MMP14: variants seen among roughly 807,000 people sequenced by gnomAD.
The protein encoded by MMP14 is matrix metalloproteinase-14.
In MMP14, 13 loss-of-function variants were observed where a neutral mutation model predicts 64.8. That is an observed-to-expected ratio of 0.20 (90% confidence interval 0.13 to 0.32). The LOEUF (loss-of-function observed/expected upper bound fraction) is 0.32, where lower values mean the gene tolerates loss of function less well. Among genes scored for constraint, MMP14 ranks in the 10% least tolerant of loss-of-function variants. The pLI is 1.00. For synonymous variants in MMP14, 322 were observed against 315.9 expected (o/e 1.02, Z -0.20); for missense variants, 594 against 783.8 (o/e 0.76, Z 2.89).
Position 22,845,817 on chromosome 14 carries a change from A to T in MMP14, c.1527A>T (p.Pro509=), listed in dbSNP as rs765456558. 16 of 1,614,036 alleles carry T rather than the reference A, an allele frequency of 9.9e-6. No homozygotes were observed. Among genetic ancestry groups the T allele is most frequent in the Non-Finnish European group, 1.4e-5 (16 of 1,180,040 alleles). ...KSALRDWMGC[P]SGGRPDEGTE... is the part of the protein sequence containing the mutation. ...CCCTGAGGGACTGGATGGGCTGCCCATCGGGAGGCCGGCCGGATGAGGGGA... is the reference window on the plus strand; with the variant it reads ...CCCTGAGGGACTGGATGGGCTGCCCTTCGGGAGGCCGGCCGGATGAGGGGA... The change falls in exon 10 of 10, where the codon CCA becomes CCT. Residue 509 remains proline, a synonymous_variant. Transcript: ENST00000311852.
intron 8 of MMP14, 41 bp downstream of exon 8, chr14:22,844,821 C>T (rs2039800666): frequency 6.2e-7 from 1 of 1,611,364 alleles, no homozygotes; most frequent in South Asian, 1.1e-5. Flanking sequence ...CCCTCAGAAA[C>T]CACCACCACC....
rs989155465 is a variant in MMP14 at position 22,842,862 on chromosome 14, G to A, written c.688+145G>A. On this transcript the variant is annotated intron_variant, in intron 4 of 9. Transcript: ENST00000311852. This position sits in a 1 kb window ranked among gnomAD's most constrained non-coding sequence, Gnocchi z 5.3. The stretch of plus-strand genomic sequence containing the variant: ...AACTTCTGACAAAAGCAGGAGTCCT[G>A]TTTGAGCTATTTACATCTGGTCCCC... The A allele has an allele frequency of 3.4e-6, 3 of 889,246 alleles. No homozygotes were observed. In the South Asian group the frequency reaches 5.4e-5, roughly 16 times the overall value. 55.1% of individuals were successfully genotyped at this position (889,246 alleles called of 1,614,324 possible). A position where few individuals can be genotyped will look rare whatever the true frequency, so the allele number is the denominator to read the frequency against.
In MMP14 at chr14:22,843,756, T is replaced by C; in HGVS notation, c.897T>C (p.Thr299=). Residue 299 remains threonine (T), a synonymous_variant, in exon 6 of 10, where the codon ACT becomes ACC. Transcript: ENST00000311852. This position sits in a 1 kb window ranked among gnomAD's most constrained non-coding sequence, Gnocchi z 4.8. The stretch of plus-strand genomic sequence containing the variant: ...CCAAGATGCCCCCTCAACCCAGGAC[T>C]ACCTCCCGGCCTTCTGTTCCTGATA... The part of the protein sequence containing the change: ...FPTKMPPQPR[T]TSRPSVPDKP... 1 of 1,611,890 alleles carries C rather than the reference T, an allele frequency of 6.2e-7. No individual in the cohort carries two copies. Among genetic ancestry groups the C allele is most frequent in the African/African-American group, 1.3e-5 (1 of 74,766 alleles).
chr14:22,841,825 C>T (rs1232143406), intron 2 of MMP14, 88 bp from the exon 3 acceptor site: 178 of 1,479,194 alleles, frequency 1.2e-4, no homozygotes, highest in Non-Finnish European at 1.6e-4. Context: ...CATTGACACA[C>T]AGCAAGTCTT....
Position 22,846,211 on chromosome 14 carries a change from C to T in MMP14, c.*172C>T, listed in dbSNP as rs958414889. On this transcript the variant is annotated 3_prime_UTR_variant, in exon 10 of 10. Coordinates refer to ENST00000311852, the MANE Select transcript of MMP14 (RefSeq NM_004995.4). ...CTTCACCCTGACCGCCTCCCTCCCTCCTGCCCCGGCATTGCATCTTCCCTA... is the reference window on the plus strand; with the variant it reads ...CTTCACCCTGACCGCCTCCCTCCCTTCTGCCCCGGCATTGCATCTTCCCTA... The T allele has an allele frequency of 3.1e-6, 2 of 641,936 alleles. No homozygotes were observed. Among genetic ancestry groups the T allele is most frequent in the South Asian group, 4.2e-5 (2 of 47,476 alleles). The allele number at this position is 641,936 out of a possible 1,614,324, so 39.8% of individuals were successfully genotyped here.
intron 1 of MMP14, 24 bp downstream of exon 1, chr14:22,836,949 C>A: frequency 1.3e-6 from 2 of 1,593,214 alleles, no homozygotes; most frequent in Non-Finnish European, 1.7e-6. Context: ...CCGGCCCTTC[C>A]CGGAGTCGCG....
In MMP14 at chr14:22,836,650, G is replaced by A; in HGVS notation, c.-168G>A. The stretch of plus-strand genomic sequence containing the variant: ...CCGGAAAAGAGGAGAAGAGCAAACA[G>A]GCACTTTGAGGAACAATCCCCTTTA... On this transcript the variant is annotated 5_prime_UTR_variant, in exon 1 of 10. Transcript: ENST00000311852. 1 of 512,912 alleles carries A rather than the reference G, an allele frequency of 1.9e-6. No individual in the cohort carries two copies. The highest frequency in any genetic ancestry group is 3.4e-6 in the Non-Finnish European group (1 of 291,748). The allele number at this position is 512,912 out of a possible 1,614,324, so 31.8% of individuals were successfully genotyped here. A position where few individuals can be genotyped will look rare whatever the true frequency, so the allele number is the denominator to read the frequency against.
Position 22,846,199 on chromosome 14 carries a change from GCCTC to G in MMP14, c.*170_*173del, listed in dbSNP as rs1196759410. 5 of 681,410 alleles carry G rather than the reference GCCTC, an allele frequency of 7.3e-6. No homozygotes were observed. Among genetic ancestry groups the G allele is most frequent in the Non-Finnish European group, 1.2e-5 (5 of 418,022 alleles). 42.2% of individuals were successfully genotyped at this position (681,410 alleles called of 1,614,324 possible). The stretch of plus-strand genomic sequence containing the variant: ...CTGGCTGGCCTCCTTCACCCTGACC[GCCTC>G]CCTCCCTCCTGCCCCGGCATTGCAT... On this transcript the variant is annotated 3_prime_UTR_variant, in exon 10 of 10. Transcript: ENST00000311852.
rs930583712 is a variant in MMP14 at position 22,843,204 on chromosome 14, G to A, written c.689-53G>A. The A allele has an allele frequency of 5.1e-6, 8 of 1,562,674 alleles. No individual in the cohort carries two copies. In the Admixed American group the frequency reaches 5.4e-5, roughly 11 times the overall value. On this transcript the variant is annotated intron_variant, in intron 4 of 9. Coordinates refer to ENST00000311852, the MANE Select transcript of MMP14 (RefSeq NM_004995.4). This position sits in a 1 kb window ranked among gnomAD's most constrained non-coding sequence, Gnocchi z 4.8. ...CCAAAGCTGCTGGTGGGGAAGCAGG[G>A]AGGCTGAGGGAAGGGACTCAGGCTG...
At chr14:22,837,354 G>A (rs1364499601) in intron 1 of MMP14, 1 of 457,110 alleles carries the variant, frequency 2.2e-6, no homozygotes, top group Admixed American at 2.3e-5. Flanking sequence ...CAGCTCTCCA[G>A]CGCTCTCCCG....
At chr14:22,839,094 T>C (rs972279569) in intron 1 of MMP14, among the ~76,000 whole-genome samples, 1 of 152,210 alleles carries the variant, frequency 6.6e-6, no homozygotes, top group African/African-American at 2.4e-5. Context: ...TCGTTCTGTC[T>C]TCTCCCCATC....
intron 1 of MMP14, among the ~76,000 whole-genome samples, chr14:22,838,901 C>T (rs1008389485): frequency 6.6e-6 from 1 of 152,188 alleles, no homozygotes; most frequent in Non-Finnish European, 1.5e-5. Context: ...CCTTGCGGCT[C>T]TCTTGACTCC....
At position 22,842,786 on chromosome 14, in the gene MMP14, C is replaced by T. The variant is rs1020069009; in HGVS notation, c.688+69C>T. 4 of 1,491,032 alleles carry T rather than the reference C, an allele frequency of 2.7e-6. No homozygotes were observed. The African/African-American group carries it at 4.2e-5, about 16-fold the overall frequency. The allele number at this position is 1,491,032 out of a possible 1,614,324, so 92.4% of individuals were successfully genotyped here. ...GTCATTTGTAGGGGTGGTTCCCCTC[C>T]CTCCTTCCAAAATCTCCGGGCTAGA... On this transcript the variant is annotated intron_variant, in intron 4 of 9. Transcript: ENST00000311852. The surrounding 1 kb of genome is among the most constrained non-coding windows in gnomAD (Gnocchi z 5.3).
At position 22,843,199 on chromosome 14, in the gene MMP14, G is replaced by A; in HGVS notation, c.689-58G>A. On this transcript the variant is annotated intron_variant, in intron 4 of 9. Coordinates refer to ENST00000311852, the MANE Select transcript of MMP14 (RefSeq NM_004995.4). The surrounding 1 kb of genome is among the most constrained non-coding windows in gnomAD (Gnocchi z 4.8). ...TGAAACCAAAGCTGCTGGTGGGGAA[G>A]CAGGGAGGCTGAGGGAAGGGACTCA... 1.3e-6 allele frequency: 2 copies of A among 1,555,178 alleles called. No homozygotes were observed. The highest frequency in any genetic ancestry group is 1.7e-6 in the Non-Finnish European group (2 of 1,144,358).
At position 22,846,920 on chromosome 14, in the gene MMP14, TG is replaced by T; in HGVS notation, c.*885del. On this transcript the variant is annotated 3_prime_UTR_variant, in exon 10 of 10. Coordinates refer to ENST00000311852, the MANE Select transcript of MMP14 (RefSeq NM_004995.4). ...AGAACCTTGCCCAAACTCAGGCAGC[TG>T]GGGCTGAGGCCCAAAGGCAGAACAG... 1 of 152,632 alleles carries T rather than the reference TG, an allele frequency of 6.6e-6. No individual in the cohort carries two copies. Among genetic ancestry groups the T allele is most frequent in the Non-Finnish European group, 1.5e-5 (1 of 68,258 alleles). The allele number at this position is 152,632 out of a possible 1,614,324, so 9.5% of individuals were successfully genotyped here. A position where few individuals can be genotyped will look rare whatever the true frequency, so the allele number is the denominator to read the frequency against.
intron 1 of MMP14, among the ~76,000 whole-genome samples, chr14:22,838,321 C>T (rs2039749756): frequency 1.3e-5 from 2 of 152,284 alleles, no homozygotes; most frequent in South Asian, 4.1e-4. Context: ...CCTTTTTTCC[C>T]TCCCCTGCTT....
At chr14:22,840,525 T>G (rs74639453) in intron 1 of MMP14, among the ~76,000 whole-genome samples, 1 of 151,846 alleles carries the variant, frequency 6.6e-6, no homozygotes, top group South Asian at 2.1e-4. Context: ...TTTTTTTTTT[T>G]TGAGACGGAG....
In MMP14 at chr14:22,844,627, C is replaced by T; in HGVS notation, c.1151-3C>T. 2.5e-6 allele frequency: 4 copies of T among 1,614,124 alleles called. No homozygotes were observed. The highest frequency in any genetic ancestry group is 1.3e-5 in the African/African-American group (1 of 75,022). ...CCAGACGTTGCCCTCCTGTCCTCCCCAGGAGACAAGCATTGGGTGTTTGAT... is the reference window on the plus strand; with the variant it reads ...CCAGACGTTGCCCTCCTGTCCTCCCTAGGAGACAAGCATTGGGTGTTTGAT... On this transcript the variant is annotated splice_region_variant and splice_polypyrimidine_tract_variant and intron_variant, in intron 7 of 9. Transcript: ENST00000311852.
chr14:22,845,926 G>C lies in MMP14; in HGVS notation c.1636G>C (p.Val546Leu), dbSNP rs760243884. The change falls in exon 10 of 10, where the codon GTG becomes CTG. Residue 546 changes from valine to leucine, a missense_variant. Transcript: ENST00000311852. ...GAGCGCGGCTGCCGTGGTGCTGCCC[G>C]TGCTGCTGCTGCTCCTGGTGCTGGC... ...AVSAAAVVLP[V>L]LLLLLVLAVG... is the part of the protein sequence containing the mutation. 7 of 1,604,482 alleles carry C rather than the reference G, an allele frequency of 4.4e-6. No homozygotes were observed. The highest frequency in any genetic ancestry group is 6.0e-6 in the Non-Finnish European group (7 of 1,175,154).
Sources: allele counts gnomAD v4.1 joint callset (sites outside exome capture counted in the v4.1 genomes callset), GRCh38; gene constraint gnomAD v4.1.1; non-coding constraint Gnocchi (gnomAD v3.1); transcripts MANE v1.5; gene names NCBI Gene and HGNC (gene_info 2026-07-23, HGNC 2026-07-21).